The following KPNA3 variants were observed in gnomAD, a reference collection of about 807,000 sequenced individuals.
KPNA3 encodes the protein karyopherin subunit alpha 3.
Under a neutral mutation model 73.8 loss-of-function variants are expected in KPNA3, and 13 were observed. The ratio of observed to expected loss-of-function variants is 0.18; its 90% CI spans 0.11 to 0.28. The LOEUF (loss-of-function observed/expected upper bound fraction) is 0.28, where lower values mean the gene tolerates loss of function less well. Ranked by LOEUF, KPNA3 falls within the 10% of genes least tolerant of loss-of-function variation. The probability of loss-of-function intolerance (pLI) is 1.00; values close to 1 mark genes in which losing one functional copy is unlikely to be tolerated. For synonymous variants in KPNA3, 186 were observed against 206.9 expected (o/e 0.90, Z 0.87); for missense variants, 360 against 618.1 (o/e 0.58, Z 4.43).
At chr13:49,769,297 T>C (rs1363466628) in intron 1 of KPNA3, among the ~76,000 whole-genome samples, 2 of 152,222 alleles carry the variant, frequency 1.3e-5, no homozygotes, top group Admixed American at 1.3e-4. Context: ...TATTCAGATA[T>C]AATGCCCACG....
chr13:49,721,917 G>GA, intron 9 of KPNA3, 38 bp downstream of exon 9: 1 of 1,377,808 alleles, frequency 7.3e-7, no homozygotes. Context: ...CAAACATAGG[G>GA]AAAATATACC....
chr13:49,781,581 C>T (rs1315589683), intron 1 of KPNA3, among the ~76,000 whole-genome samples: 1 of 152,180 alleles, frequency 6.6e-6, no homozygotes. Flanking sequence ...ATTCGAATAG[C>T]TGCTGAGTGA....
At chr13:49,730,127 C>T (rs1244083821) in intron 6 of KPNA3, among the ~76,000 whole-genome samples, 1 of 152,082 alleles carries the variant, frequency 6.6e-6, no homozygotes, top group Non-Finnish European at 1.5e-5. Context: ...TATATTTTAG[C>T]ATATTTTTCT....
chr13:49,742,639 G>GA (rs1954583858), intron 2 of KPNA3, among the ~76,000 whole-genome samples: 1 of 151,358 alleles, frequency 6.6e-6, no homozygotes, highest in Non-Finnish European at 1.5e-5. Context: ...CTATTTCTGT[G>GA]AAAAATGACA....
intron 1 of KPNA3, among the ~76,000 whole-genome samples, chr13:49,786,726 T>C (rs1954985508): frequency 6.6e-6 from 1 of 152,060 alleles, no homozygotes; most frequent in Non-Finnish European, 1.5e-5. Flanking sequence ...ACAAAGGAGA[T>C]ATAAGGAAAA....
rs1338101266 is a variant in KPNA3, at chr13:49,710,912, G to A, written c.882C>T (p.Ser294=). Residue 294 remains serine (S), a synonymous_variant, in exon 11 of 17, where the codon AGC becomes AGT. Coordinates refer to ENST00000261667, the MANE Select transcript of KPNA3 (RefSeq NM_002267.4). ...TTACTTGAACTTTGACTTCCTGATG[G>A]CTCAGAAGGGGCACAAGAAAGGGCA... The part of the protein sequence containing the change: ...GVVPFLVPLL[S]HQEVKVQTAA... The A allele has an allele frequency of 6.2e-7, 1 of 1,613,568 alleles. No homozygotes were observed. The highest frequency in any genetic ancestry group is 1.7e-5 in the Admixed American group (1 of 59,950).
chr13:49,743,422 T>G (rs958520827), intron 2 of KPNA3, among the ~76,000 whole-genome samples: 1 of 152,082 alleles, frequency 6.6e-6, no homozygotes, highest in Admixed American at 6.6e-5. Flanking sequence ...TCAGGCGTTG[T>G]TTCAGGAAAA....
rs563909268 is a variant in KPNA3, at chr13:49,713,674, C to CACAA, written c.772-2653_772-2652insTTGT. Among the ~76,000 whole-genome samples, 523 of 141,998 alleles carry CACAA rather than the reference C, an allele frequency of 3.7e-3. 6 individuals are homozygous for CACAA. The highest frequency in any genetic ancestry group is 5.6e-3 in the South Asian group (25 of 4,438). 93.2% of individuals were successfully genotyped at this position (141,998 alleles called of 152,430 possible). On this transcript the variant is annotated intron_variant, in intron 10 of 16. Coordinates refer to ENST00000261667, the MANE Select transcript of KPNA3 (RefSeq NM_002267.4). ...ACACACACACACACACACACACACA[C>CACAA]AAAACAGAAAAACCCAACAACAAAA...
In KPNA3 at chr13:49,722,082, A is replaced by G. The variant is rs1228367748; in HGVS notation, c.599T>C (p.Val200Ala). ...GATGAAGGACAGAAGAGGTTTGACAACTCCCAGTGATATGACATAATCTCT... is the reference window on the plus strand; with the variant it reads ...GATGAAGGACAGAAGAGGTTTGACAGCTCCCAGTGATATGACATAATCTCT... ...QCRDYVISLG[V>A]VKPLLSFISP... Residue 200 changes from valine (V) to alanine (A), a missense_variant, in exon 9 of 17, where the codon GTT (valine) becomes GCT (alanine). This residue lies in a region of KPNA3 where 287 missense variants were observed against 549.1 expected (regional missense o/e 0.52). Coordinates refer to ENST00000261667, the MANE Select transcript of KPNA3 (RefSeq NM_002267.4). 4 of 1,607,286 alleles carry G rather than the reference A, an allele frequency of 2.5e-6. No individual in the cohort carries two copies. The highest frequency in any genetic ancestry group is 1.3e-5 in the African/African-American group (1 of 74,664).
At chr13:49,724,685 C>T (rs4942862) in intron 7 of KPNA3, among the ~76,000 whole-genome samples, 11,409 of 152,218 alleles carry the variant, frequency 0.075, 1,246 homozygotes, top group East Asian at 0.58. Context: ...CAACCTCTGC[C>T]TCCCTGGCTC....
chr13:49,746,907 G>A (rs1283827331), intron 2 of KPNA3, 42 bp downstream of exon 2: 1 of 1,485,558 alleles, frequency 6.7e-7, no homozygotes, highest in Admixed American at 1.7e-5. Flanking sequence ...TTTAACATCA[G>A]AAAAATCTAA....
intron 1 of KPNA3, among the ~76,000 whole-genome samples, chr13:49,751,096 A>G (rs901575068): frequency 1.3e-5 from 2 of 152,258 alleles, no homozygotes; most frequent in Non-Finnish European, 2.9e-5. Context: ...AAGAATTAAA[A>G]TATGTGCATA....
chr13:49,756,702 C>A (rs1954714705), intron 1 of KPNA3, among the ~76,000 whole-genome samples: 1 of 152,070 alleles, frequency 6.6e-6, no homozygotes, highest in South Asian at 2.1e-4. Context: ...TTTGCAGATA[C>A]AGAATTATTC....
intron 7 of KPNA3, among the ~76,000 whole-genome samples, chr13:49,723,508 G>A (rs979521795): frequency 2.0e-5 from 3 of 151,928 alleles, no homozygotes; most frequent in Admixed American, 1.3e-4. Context: ...GACGGAGGTT[G>A]CAGTGAGCCA....
At chr13:49,718,781 C>T (rs564060885) in intron 10 of KPNA3, among the ~76,000 whole-genome samples, 2 of 152,076 alleles carry the variant, frequency 1.3e-5, no homozygotes, top group South Asian at 4.1e-4. Context: ...TTAAAAGATT[C>T]CATCCTGAGA....
At chr13:49,719,230 T>C (rs1482127646) in intron 10 of KPNA3, among the ~76,000 whole-genome samples, 2 of 152,272 alleles carry the variant, frequency 1.3e-5, no homozygotes, top group East Asian at 3.9e-4. Context: ...TAAAACTATA[T>C]ATTCTTCTAT....
At chr13:49,775,279 G>A (rs1358569110) in intron 1 of KPNA3, among the ~76,000 whole-genome samples, 1 of 151,168 alleles carries the variant, frequency 6.6e-6, no homozygotes, top group Non-Finnish European at 1.5e-5. Context: ...TATTTAGTAA[G>A]TTAAAATAGT....
chr13:49,720,608 T>C (rs746819578), intron 9 of KPNA3, among the ~76,000 whole-genome samples: 3 of 151,406 alleles, frequency 2.0e-5, no homozygotes, highest in African/African-American at 4.9e-5. Flanking sequence ...ATACAAAAAT[T>C]AGCCTGGCAT....
intron 1 of KPNA3, among the ~76,000 whole-genome samples, chr13:49,755,982 C>T (rs1199247368): frequency 6.6e-6 from 1 of 151,748 alleles, no homozygotes; most frequent in Non-Finnish European, 1.5e-5. Context: ...AAAATACAAA[C>T]AACAGCCGGG....
Sources: allele counts gnomAD v4.1 joint callset (sites outside exome capture counted in the v4.1 genomes callset), GRCh38; gene constraint gnomAD v4.1.1; regional missense constraint gnomAD v4.1.1; transcripts MANE v1.5; gene names NCBI Gene and HGNC (gene_info 2026-07-23, HGNC 2026-07-21).